PPP3CA: variants seen among roughly 807,000 people sequenced by gnomAD.
PPP3CA encodes the protein protein phosphatase 3 catalytic subunit alpha.
PPP3CA carries 14 observed loss-of-function variants against 66.5 expected under a neutral mutation model. The ratio of observed to expected loss-of-function variants is 0.21; its 90% CI spans 0.14 to 0.33. PPP3CA has a LOEUF of 0.33. PPP3CA is among the 10% of genes least tolerant of loss of function. PPP3CA has a pLI of 1.00. For synonymous variants in PPP3CA, 232 were observed against 226.2 expected (o/e 1.03, Z -0.23); for missense variants, 317 against 639.5 (o/e 0.50, Z 5.44).
intron 1 of PPP3CA, among the ~76,000 whole-genome samples, chr4:101,212,447 C>A (rs1197836749): frequency 6.6e-6 from 1 of 152,056 alleles, no homozygotes; most frequent in Non-Finnish European, 1.5e-5. Context: ...GAACAACACA[C>A]ATCGGGGCTT....
At chr4:101,059,174 A>G (rs1728353056) in intron 10 of PPP3CA, among the ~76,000 whole-genome samples, 1 of 152,156 alleles carries the variant, frequency 6.6e-6, no homozygotes, top group Admixed American at 6.6e-5. Flanking sequence ...GCTATCATTT[A>G]AAAGATAACA....
chr4:101,089,622 C>T (rs1256362681), intron 6 of PPP3CA, among the ~76,000 whole-genome samples: 1 of 152,124 alleles, frequency 6.6e-6, no homozygotes, highest in African/African-American at 2.4e-5. Flanking sequence ...AGATTGATAA[C>T]CTAAACACCA....
At chr4:101,308,345 A>G (rs1281642830) in intron 1 of PPP3CA, among the ~76,000 whole-genome samples, 1 of 152,244 alleles carries the variant, frequency 6.6e-6, no homozygotes, top group Non-Finnish European at 1.5e-5. Flanking sequence ...TCTATGAAAG[A>G]TATTGGTATT....
chr4:101,159,347 C>G (rs1402528398), intron 2 of PPP3CA, among the ~76,000 whole-genome samples: 1 of 152,122 alleles, frequency 6.6e-6, no homozygotes, highest in Non-Finnish European at 1.5e-5. Flanking sequence ...TATCTCCTTA[C>G]CCCATACCTG....
intron 4 of PPP3CA, among the ~76,000 whole-genome samples, chr4:101,098,771 A>G (rs766949224): frequency 2.0e-5 from 3 of 152,130 alleles, no homozygotes; most frequent in Non-Finnish European, 4.4e-5. Context: ...GAATTTTTAT[A>G]TACATTCTGG....
chr4:101,228,549 T>C (rs1725854961), intron 1 of PPP3CA, among the ~76,000 whole-genome samples: 1 of 151,612 alleles, frequency 6.6e-6, no homozygotes, highest in Non-Finnish European at 1.5e-5. Context: ...GGGACTCTCA[T>C]TCAGTTCTTG....
At chr4:101,279,992 C>G (rs1273715028) in intron 1 of PPP3CA, among the ~76,000 whole-genome samples, 1 of 152,214 alleles carries the variant, frequency 6.6e-6, no homozygotes, top group African/African-American at 2.4e-5. Flanking sequence ...CTGAAATCAA[C>G]TATAACATCA....
chr4:101,267,312 C>T (rs777532580), intron 1 of PPP3CA, among the ~76,000 whole-genome samples: 22 of 152,154 alleles, frequency 1.4e-4, no homozygotes, highest in Admixed American at 2.6e-4. Flanking sequence ...CAATGTAACA[C>T]ATAATAGGTA....
chr4:101,258,958 C>T (rs1726926732), intron 1 of PPP3CA, among the ~76,000 whole-genome samples: 1 of 152,172 alleles, frequency 6.6e-6, no homozygotes. Flanking sequence ...GACCTGGTTT[C>T]TGCTTCTGAG....
chr4:101,103,545 T>C (rs1193571788), intron 3 of PPP3CA, among the ~76,000 whole-genome samples: 1 of 152,206 alleles, frequency 6.6e-6, no homozygotes, highest in Non-Finnish European at 1.5e-5. Flanking sequence ...ACATCTCTTG[T>C]TGTGCCACTT....
chr4:101,035,392 T>G (rs1400182981), intron 11 of PPP3CA, among the ~76,000 whole-genome samples: 1 of 152,248 alleles, frequency 6.6e-6, no homozygotes, highest in Non-Finnish European at 1.5e-5. Context: ...ACAAAACTCT[T>G]CTGGTAATCT....
At chr4:101,191,149 A>G (rs2110185672) in intron 2 of PPP3CA, among the ~76,000 whole-genome samples, 1 of 152,266 alleles carries the variant, frequency 6.6e-6, no homozygotes, top group East Asian at 1.9e-4. Context: ...GGGAACTCAG[A>G]TACTCAAATT....
chr4:101,091,218 A>T (rs759610085), intron 6 of PPP3CA, among the ~76,000 whole-genome samples: 21 of 152,214 alleles, frequency 1.4e-4, no homozygotes, highest in Non-Finnish European at 2.9e-4. Context: ...TAATTTAAAC[A>T]TCTAGGGTAT....
At chr4:101,105,772 A>G (rs17030759) in intron 3 of PPP3CA, among the ~76,000 whole-genome samples, 21,498 of 152,068 alleles carry the variant, frequency 0.14, 3,176 homozygotes, top group African/African-American at 0.37. Context: ...CTTTAGAAAG[A>G]TAGGAAGTTG....
rs773042695 is a variant in PPP3CA, at chr4:101,195,968, T to C, written c.207A>G (p.Ala69=). ...SVALRIITEG[A]SILRQEKNLL... ...AATTTTTTTCCTGTCGAAGAATTGATGCACCCTCTGTTATTATTCTCAATG... is the reference window on the plus strand; with the variant it reads ...AATTTTTTTCCTGTCGAAGAATTGACGCACCCTCTGTTATTATTCTCAATG... Residue 69 remains alanine, a synonymous_variant, in exon 2 of 14, where the codon GCA becomes GCG. Transcript: ENST00000394854. 3.7e-6 allele frequency: 6 copies of C among 1,614,070 alleles called. No individual in the cohort carries two copies. In the Admixed American group the frequency reaches 1.0e-4, roughly 27 times the overall value.
intron 2 of PPP3CA, among the ~76,000 whole-genome samples, chr4:101,124,427 C>T (rs141206484): frequency 4.6e-5 from 7 of 152,018 alleles, no homozygotes; most frequent in Admixed American, 2.0e-4. Context: ...AGTTCCAGAC[C>T]AGCCTGGCCA....
intron 1 of PPP3CA, among the ~76,000 whole-genome samples, chr4:101,206,754 C>T (rs1473402130): frequency 6.6e-6 from 1 of 152,190 alleles, no homozygotes; most frequent in African/African-American, 2.4e-5. Flanking sequence ...ATCTCACTCA[C>T]AATTTATTTA....
At chr4:101,227,542 C>T (rs892237150) in intron 1 of PPP3CA, among the ~76,000 whole-genome samples, 3 of 151,720 alleles carry the variant, frequency 2.0e-5, no homozygotes, top group African/African-American at 7.2e-5. Flanking sequence ...GAACTTCTCT[C>T]ATCATCCAAC....
chr4:101,086,814 C>T (rs1729693859), intron 6 of PPP3CA, among the ~76,000 whole-genome samples: 5 of 152,226 alleles, frequency 3.3e-5, no homozygotes, highest in Admixed American at 1.3e-4. Context: ...AGGAACACCG[C>T]TTTTTCATTT....
Sources: gnomAD v4.1 joint callset for allele counts (sites outside exome capture counted in the v4.1 genomes callset) on GRCh38, gnomAD v4.1.1 for gene constraint, MANE v1.5 for transcripts, NCBI Gene and HGNC (gene_info 2026-07-23, HGNC 2026-07-21) for gene names.